Variants in ARID1A observed in about 807,000 individuals in gnomAD.
The protein encoded by ARID1A is AT-rich interactive domain-containing protein 1A.
A neutral mutation model predicts 212.6 loss-of-function variants in ARID1A; 20 were observed. The observed-to-expected ratio is 0.09, with a 90% CI of 0.07 to 0.14. ARID1A has a LOEUF of 0.14. Among genes scored for constraint, ARID1A ranks in the 10% least tolerant of loss-of-function variants. ARID1A has a pLI of 1.00. For missense variants in ARID1A, 2,587 were observed against 3,059.0 expected, an observed-to-expected ratio of 0.85 and a Z score of 3.64; for synonymous variants, 1,376 against 1,222.1, an observed-to-expected ratio of 1.13 and a Z score of -2.63.
Position 26,732,808 on chromosome 1 carries a change from C to G in ARID1A, c.1920+16C>G, listed in dbSNP as rs1323335172. On this transcript the variant is annotated intron_variant, in intron 4 of 19. Transcript: ENST00000324856. The stretch of plus-strand genomic sequence containing the variant: ...CAGCTTGCCTGTGAGTATTTCTGCA[C>G]CTTCTGAAAGGTGATAGGGGCAGAG... The G allele has an allele frequency of 1.3e-6, 2 of 1,597,050 alleles. No homozygotes were observed. Among genetic ancestry groups the G allele is most frequent in the Middle Eastern group, 1.7e-4 (1 of 6,028 alleles).
chr1:26,736,211 C>G (rs1451108198), intron 4 of ARID1A, among the ~76,000 whole-genome samples: 2 of 148,828 alleles, frequency 1.3e-5, no homozygotes, highest in African/African-American at 5.0e-5. Flanking sequence ...GTAGTCCCAG[C>G]TATTTGGGAG....
intron 4 of ARID1A, among the ~76,000 whole-genome samples, chr1:26,747,017 G>A (rs766258932): frequency 2.6e-5 from 4 of 152,060 alleles, no homozygotes; most frequent in Non-Finnish European, 5.9e-5. Context: ...ACTCCAGCCT[G>A]GTGACAGAGT....
chr1:26,713,608 C>T (rs1281308599), intron 1 of ARID1A, among the ~76,000 whole-genome samples: 1 of 152,152 alleles, frequency 6.6e-6, no homozygotes, highest in African/African-American at 2.4e-5. Flanking sequence ...AATCTGCCTG[C>T]CTCGGCCTCC....
chr1:26,697,647 C>T, intron 1 of ARID1A, 107 bp downstream of exon 1: 3 of 1,103,790 alleles, frequency 2.7e-6, no homozygotes, highest in Non-Finnish European at 2.3e-6. Context: ...CCCGGGCCCC[C>T]ACTGCTGGGG....
chr1:26,773,069 G>C (rs2124108938), intron 14 of ARID1A, 82 bp downstream of exon 14: 2 of 1,518,056 alleles, frequency 1.3e-6, no homozygotes, highest in Non-Finnish European at 1.8e-6. Context: ...GAATGGCTCA[G>C]GGTTCTTGTG....
intron 1 of ARID1A, among the ~76,000 whole-genome samples, chr1:26,714,176 T>TGG (rs1054468598): frequency 1.3e-5 from 2 of 152,230 alleles, no homozygotes; most frequent in African/African-American, 4.8e-5. Context: ...AAAAGACAGC[T>TGG]GGTGACTGGT....
intron 10 of ARID1A, among the ~76,000 whole-genome samples, chr1:26,767,405 G>A (rs1012614535): frequency 6.6e-6 from 1 of 152,232 alleles, no homozygotes; most frequent in Non-Finnish European, 1.5e-5. Context: ...GGGTAGTAGT[G>A]TGGGAGCAGT....
In ARID1A at chr1:26,697,522, G is replaced by A; in HGVS notation, c.1119G>A (p.Pro373=). The part of the protein sequence containing the change: ...SPGSSGGGGQ[P]LARTPQPSSP... ...GGAGCAGCGGCGGCGGGGGGCAGCC[G>A]CTCGCCCGGACCCCTCAGGTACACA... The change falls in exon 1 of 20, where the codon CCG becomes CCA. Residue 373 remains proline, a synonymous_variant. Transcript: ENST00000324856. 1 of 1,398,886 alleles carries A rather than the reference G, an allele frequency of 7.1e-7. No individual in the cohort carries two copies. Among genetic ancestry groups the A allele is most frequent in the Non-Finnish European group, 9.2e-7 (1 of 1,084,144 alleles). The allele number at this position is 1,398,886 out of a possible 1,614,324, so 86.7% of individuals were successfully genotyped here. A position where few individuals can be genotyped will look rare whatever the true frequency, so the allele number is the denominator to read the frequency against.
rs1373125057 is a variant in ARID1A at position 26,780,706 on chromosome 1, T to C, written c.6808T>C (p.Leu2270=). 6 of 1,593,082 alleles carry C rather than the reference T, an allele frequency of 3.8e-6. No homozygotes were observed. The highest frequency in any genetic ancestry group is 1.3e-5 in the African/African-American group (1 of 74,760). ...DISVSPLMNS[L]VSQVICDVLF... is the part of the protein sequence containing the mutation. The stretch of plus-strand genomic sequence containing the variant: ...CTCGGTATCACCGTTGATGAACTCA[T>C]TGGTTTCACAAGTCATTTGTGATGT... Residue 2270 remains leucine (L), a synonymous_variant, in exon 20 of 20, where the codon TTG becomes CTG. Transcript: ENST00000324856. The surrounding 1 kb of genome is among the most constrained non-coding windows in gnomAD (Gnocchi z 7.2).
Position 26,782,071 on chromosome 1 carries a change from G to T in ARID1A, c.*1315G>T. On this transcript the variant is annotated 3_prime_UTR_variant, in exon 20 of 20. Coordinates refer to ENST00000324856, the MANE Select transcript of ARID1A (RefSeq NM_006015.6). The stretch of plus-strand genomic sequence containing the variant: ...GAAATCTTTATACTATATGTTCCAC[G>T]TGTTAAGAATAAATGTACATTAAAT... 4.4e-6 allele frequency: 1 copy of T among 227,780 alleles called. No individual in the cohort carries two copies. Among genetic ancestry groups the T allele is most frequent in the Non-Finnish European group, 8.7e-6 (1 of 114,540 alleles). The allele number at this position is 227,780 out of a possible 1,614,324, so 14.1% of individuals were successfully genotyped here.
chr1:26,711,055 G>C (rs915212931), intron 1 of ARID1A, among the ~76,000 whole-genome samples: 6 of 151,764 alleles, frequency 4.0e-5, no homozygotes, highest in Non-Finnish European at 1.5e-5. Context: ...ACTGTCTTCT[G>C]TCTTCTTGCC....
In ARID1A at chr1:26,751,063, T is replaced by C. The variant is rs538779621; in HGVS notation, c.1921-9793T>C. 4.8e-4 allele frequency among the ~76,000 whole-genome samples: 73 copies of C among 152,092 alleles called. No individual in the cohort carries two copies. In the East Asian group the frequency reaches 0.011, roughly 23 times the overall value. The stretch of plus-strand genomic sequence containing the variant: ...TGAGGTCAGGAGTTCGAGACCAACC[T>C]GATCAACATGGTGAAACCCCGTCTC... On this transcript the variant is annotated intron_variant, in intron 4 of 19. Coordinates refer to ENST00000324856, the MANE Select transcript of ARID1A (RefSeq NM_006015.6).
chr1:26,743,653 C>T (rs919845726), intron 4 of ARID1A, among the ~76,000 whole-genome samples: 2 of 151,402 alleles, frequency 1.3e-5, no homozygotes, highest in African/African-American at 2.4e-5. Context: ...GACAACATGG[C>T]GAAACCCTGT....
intron 4 of ARID1A, among the ~76,000 whole-genome samples, chr1:26,751,922 A>G (rs1311243428): frequency 4.6e-5 from 7 of 152,356 alleles, no homozygotes; most frequent in Non-Finnish European, 1.5e-5. Context: ...TATCTTCAGA[A>G]CAATAGCCTA....
In ARID1A at chr1:26,697,094, C is replaced by G. The variant is rs771164668; in HGVS notation, c.691C>G (p.Leu231Val). ...CCCCCCGCCCGCCCCGGCCTACGCG[C>G]TGAGCTCCCCGAGAGGTGGCACTCC... ...AYPPPAPAYA[L>V]SSPRGGTPGS... Residue 231 changes from leucine (L) to valine (V), a missense_variant, in exon 1 of 20, where the codon CTG becomes GTG. Leu to Val is a conservative substitution (Grantham distance 32, BLOSUM62 1). Around this residue, in one of 11 missense-constraint regions of ARID1A, gnomAD observed 735 missense variants for 590.6 expected, o/e 1.24. Transcript: ENST00000324856. 5.4e-6 allele frequency: 8 copies of G among 1,476,366 alleles called. No individual in the cohort carries two copies. The highest frequency in any genetic ancestry group is 7.2e-6 in the Non-Finnish European group (8 of 1,117,884). 91.5% of individuals were successfully genotyped at this position (1,476,366 alleles called of 1,614,324 possible).
rs2081122655 is a variant in ARID1A at position 26,775,142 on chromosome 1, A to T, written c.4915A>T (p.Ile1639Phe). ...PVQPPMIRRD[I>F]TFPPGSVEAT... ...GCAGCCCCCCATGATTCGGCGGGAT[A>T]TCACCTTCCCACCTGGCTCTGTTGA... The change falls in exon 18 of 20, where the codon ATC (isoleucine) becomes TTC (phenylalanine). Residue 1639 changes from isoleucine to phenylalanine, a missense_variant. Transcript: ENST00000324856. 8 of 1,613,822 alleles carry T rather than the reference A, an allele frequency of 5.0e-6. No individual in the cohort carries two copies. The African/African-American group carries it at 5.3e-5, about 11-fold the overall frequency.
intron 4 of ARID1A, 128 bp from the exon 5 acceptor site, chr1:26,760,727 AC>A: frequency 1.0e-6 from 1 of 988,616 alleles, no homozygotes; most frequent in Non-Finnish European, 1.4e-6. Context: ...TAGTATCATG[AC>A]TAAAGAACGT....
intron 4 of ARID1A, among the ~76,000 whole-genome samples, chr1:26,742,366 G>A (rs1330771518): frequency 6.6e-6 from 1 of 152,180 alleles, no homozygotes; most frequent in Admixed American, 6.5e-5. Context: ...CTCAAACAGT[G>A]AACCGTTGAC....
chr1:26,765,392 G>C (rs891644871), intron 8 of ARID1A: 10 of 151,522 alleles, frequency 6.6e-5, no homozygotes, highest in African/African-American at 2.4e-4. Flanking sequence ...GGAGGCTGAG[G>C]CAGGAGAATG....
Sources: gnomAD v4.1 joint callset for allele counts (sites outside exome capture counted in the v4.1 genomes callset) on GRCh38, gnomAD v4.1.1 for gene constraint, gnomAD v4.1.1 regional missense constraint, Gnocchi (gnomAD v3.1) non-coding constraint, MANE v1.5 for transcripts, NCBI Gene and HGNC (gene_info 2026-07-23, HGNC 2026-07-21) for gene names.